Variants in FRG1 observed in about 807,000 individuals in gnomAD.
FRG1 encodes protein FRG1.
Under a neutral mutation model 37.0 loss-of-function variants are expected in FRG1, and 19 were observed. The ratio of observed to expected loss-of-function variants is 0.51; its 90% confidence interval spans 0.36 to 0.75. FRG1 has a LOEUF of 0.75. Ranked by LOEUF, FRG1 falls within the 30% of genes least tolerant of loss-of-function variation. The pLI, the probability that FRG1 is intolerant of heterozygous loss-of-function variation, is 0.00. For missense variants in FRG1, 243 were observed against 301.4 expected, an observed-to-expected ratio of 0.81 and a Z score of 1.44; for synonymous variants, 73 against 96.5, an observed-to-expected ratio of 0.76 and a Z score of 1.43.
At chr4:189,941,755 G>A in intron 1 of FRG1, 1 of 316,284 alleles carries the variant, frequency 3.2e-6, no homozygotes, top group Non-Finnish European at 6.4e-6. Context: ...GTGAGGAGGA[G>A]GTCGTAATGG....
At chr4:189,943,594 C>G (rs896225247) in intron 2 of FRG1, among the ~76,000 whole-genome samples, 13 of 152,276 alleles carry the variant, frequency 8.5e-5, no homozygotes, top group African/African-American at 2.9e-4. Flanking sequence ...AAGTTATTTT[C>G]TTTGCACATG....
chr4:189,941,274 C>T (rs1736284517), intron 1 of FRG1, among the ~76,000 whole-genome samples: 1 of 152,138 alleles, frequency 6.6e-6, no homozygotes, highest in South Asian at 2.1e-4. Flanking sequence ...GCGGACGACC[C>T]TGGAAACAGG....
chr4:189,955,831 A>T (rs552643823), intron 5 of FRG1, among the ~76,000 whole-genome samples: 2 of 152,326 alleles, frequency 1.3e-5, no homozygotes, highest in East Asian at 3.9e-4. Flanking sequence ...TTTATCAAAA[A>T]CAGTAAGGAC....
chr4:189,952,132 T>C (rs531836083), intron 2 of FRG1, 30 bp from the exon 3 acceptor site: 1 of 1,490,290 alleles, frequency 6.7e-7, no homozygotes, highest in South Asian at 1.3e-5. Flanking sequence ...AACTAAAATA[T>C]AAAGTTGAAA....
chr4:189,956,117 G>A (rs1736970849), intron 5 of FRG1, among the ~76,000 whole-genome samples: 4 of 152,136 alleles, frequency 2.6e-5, no homozygotes, highest in Admixed American at 1.3e-4. Flanking sequence ...TATAACTGAA[G>A]CAAGAGTTGT....
At chr4:189,943,386 T>A in intron 2 of FRG1, 114 bp downstream of exon 2, 1 of 1,168,244 alleles carries the variant, frequency 8.6e-7, no homozygotes, top group Admixed American at 2.4e-5. Context: ...CTTAAAGTGC[T>A]TAAATATTAC....
At chr4:189,956,120 A>G (rs1409885683) in intron 5 of FRG1, among the ~76,000 whole-genome samples, 1 of 152,206 alleles carries the variant, frequency 6.6e-6, no homozygotes, top group Admixed American at 6.5e-5. Flanking sequence ...AACTGAAGCA[A>G]GAGTTGTACT....
intron 2 of FRG1, among the ~76,000 whole-genome samples, chr4:189,950,391 C>T (rs374336576): frequency 6.6e-6 from 1 of 152,270 alleles, no homozygotes; most frequent in South Asian, 2.1e-4. Flanking sequence ...AGTTTGTCCA[C>T]GTTTTCTTTT....
At chr4:189,959,903 A>G (rs1485491149) in intron 6 of FRG1, 2 of 982,920 alleles carry the variant, frequency 2.0e-6, no homozygotes, top group African/African-American at 3.5e-5. Flanking sequence ...CTACCAGAAC[A>G]CAGATCCCTC....
In FRG1 at chr4:189,961,846, C is replaced by A. The variant is rs112880159; in HGVS notation, c.654C>A (p.Asp218Glu). The change falls in exon 8 of 9, where the codon GAC becomes GAA. Residue 218 changes from aspartate to glutamate, a missense_variant. Physicochemically the swap from Asp to Glu is conservative, Grantham distance 45. Coordinates refer to ENST00000226798, the MANE Select transcript of FRG1 (RefSeq NM_004477.3). ...GAAAGAAATTTCAGAGCTTCCAAGACCACAAACTTAAAATAAGTAAAGAAG... is the reference window on the plus strand; with the variant it reads ...GAAAGAAATTTCAGAGCTTCCAAGAACACAAACTTAAAATAAGTAAAGAAG... ...NYVKKFQSFQ[D>E]HKLKISKEDS... 2.5e-6 allele frequency: 4 copies of A among 1,573,620 alleles called. No homozygotes were observed. The South Asian group carries it at 4.7e-5, about 19-fold the overall frequency.
intron 1 of FRG1, among the ~76,000 whole-genome samples, 168 bp downstream of exon 1, chr4:189,941,239 T>C (rs1202810372): frequency 1.3e-5 from 2 of 152,160 alleles, no homozygotes; most frequent in Non-Finnish European, 2.9e-5. Flanking sequence ...TCCCGGCGTC[T>C]GTGCAGAGAG....
intron 2 of FRG1, 68 bp from the exon 3 acceptor site, chr4:189,952,094 A>G: frequency 8.7e-7 from 1 of 1,146,832 alleles, no homozygotes; most frequent in Non-Finnish European, 1.2e-6. Context: ...ATTAAGTTAT[A>G]ATAACAAAAA....
chr4:189,942,650 A>G (rs1736365213), intron 1 of FRG1, among the ~76,000 whole-genome samples: 1 of 152,176 alleles, frequency 6.6e-6, no homozygotes, highest in South Asian at 2.1e-4. Context: ...ATTGTGACTA[A>G]TGCTAGTGTG....
chr4:189,941,455 TATTA>T lies in FRG1; in HGVS notation c.62+388_62+391del, dbSNP rs549907149. Among the ~76,000 whole-genome samples, 619 of 152,316 alleles carry T rather than the reference TATTA, an allele frequency of 4.1e-3. 4 individuals carry two copies. Among genetic ancestry groups the T allele is most frequent in the African/African-American group, 0.014 (592 of 41,564 alleles). On this transcript the variant is annotated intron_variant, in intron 1 of 8. Coordinates refer to ENST00000226798, the MANE Select transcript of FRG1 (RefSeq NM_004477.3). ...TTGTCTCTTTTCTTTCTAGAAAACT[TATTA>T]ATTTTTTCTAATCTAATATGTACAG...
intron 6 of FRG1, among the ~76,000 whole-genome samples, chr4:189,958,612 T>C (rs1450271820): frequency 6.6e-6 from 1 of 152,252 alleles, no homozygotes; most frequent in African/African-American, 2.4e-5. Flanking sequence ...AGACGCGTTA[T>C]CCATTGCACC....
At position 189,956,543 on chromosome 4, in the gene FRG1, T is replaced by A. The variant is rs547002008; in HGVS notation, c.433-855T>A. On this transcript the variant is annotated intron_variant, in intron 5 of 8. Coordinates refer to ENST00000226798, the MANE Select transcript of FRG1 (RefSeq NM_004477.3). ...ATCTGTGGCACAGGTTTAAATCGTC[T>A]TGGACCACACCACCATGTTCCAGGG... Among the ~76,000 whole-genome samples the A allele has an allele frequency of 3.3e-5, 5 of 152,298 alleles. No individual in the cohort carries two copies. In the South Asian group the frequency reaches 1.0e-3, roughly 32 times the overall value.
chr4:189,941,120 A>C (rs1434073519), intron 1 of FRG1, 49 bp downstream of exon 1: 5 of 1,525,610 alleles, frequency 3.3e-6, no homozygotes, highest in Admixed American at 1.7e-5. Flanking sequence ...TTTCGGACGC[A>C]CTCCACCCCC....
chr4:189,962,410 T>C (rs1737274625), intron 8 of FRG1, among the ~76,000 whole-genome samples: 1 of 152,162 alleles, frequency 6.6e-6, no homozygotes, highest in Non-Finnish European at 1.5e-5. Flanking sequence ...TTATTACTCT[T>C]CCTAGGTAGA....
intron 2 of FRG1, among the ~76,000 whole-genome samples, chr4:189,950,691 C>G (rs201483170): frequency 6.0e-5 from 9 of 149,060 alleles, no homozygotes; most frequent in East Asian, 4.1e-4. Flanking sequence ...ATGGAAATAT[C>G]CAAACTATTC....
Sources: allele counts gnomAD v4.1 joint callset (sites outside exome capture counted in the v4.1 genomes callset), GRCh38; gene constraint gnomAD v4.1.1; transcripts MANE v1.5; gene names NCBI Gene and HGNC (gene_info 2026-07-23, HGNC 2026-07-21).